Variants in CRCP observed in about 807,000 individuals in gnomAD.
CRCP encodes the protein DNA-directed RNA polymerase III subunit RPC9.
CRCP carries 18 observed loss-of-function variants against 18.5 expected under a neutral mutation model. The observed-to-expected ratio is 0.97, with a 90% CI of 0.67 to 1.44. The LOEUF (loss-of-function observed/expected upper bound fraction) is 1.44, where lower values mean the gene tolerates loss of function less well. Among genes scored for constraint, CRCP ranks in the 40% most tolerant of loss-of-function variants. The pLI is 0.00. For synonymous variants in CRCP, 53 were observed against 62.9 expected (o/e 0.84, Z 0.75); for missense variants, 130 against 176.4 (o/e 0.74, Z 1.49).
At chr7:66,129,002 C>G (rs1355496596) in intron 2 of CRCP, among the ~76,000 whole-genome samples, 2 of 151,950 alleles carry the variant, frequency 1.3e-5, no homozygotes, top group African/African-American at 4.8e-5. Flanking sequence ...AGTTAGAGCT[C>G]AGCCTGGGAA....
intron 1 of CRCP, among the ~76,000 whole-genome samples, chr7:66,123,929 C>T (rs1787531453): frequency 6.7e-6 from 1 of 149,368 alleles, no homozygotes; most frequent in South Asian, 2.1e-4. Context: ...CCTGTAGTCC[C>T]AGCTACTCCA....
chr7:66,140,256 G>A (rs1005495814), intron 4 of CRCP, among the ~76,000 whole-genome samples: 2 of 152,194 alleles, frequency 1.3e-5, no homozygotes, highest in African/African-American at 4.8e-5. Flanking sequence ...AGGGGAAAAA[G>A]CCCCAAGAAA....
At chr7:66,131,771 C>A (rs1787811318) in intron 3 of CRCP, among the ~76,000 whole-genome samples, 1 of 144,436 alleles carries the variant, frequency 6.9e-6, no homozygotes, top group African/African-American at 2.5e-5. Flanking sequence ...AATCATTTTT[C>A]TTTTTTTTTT....
chr7:66,142,709 C>T (rs562797744), intron 4 of CRCP, among the ~76,000 whole-genome samples: 130 of 152,240 alleles, frequency 8.5e-4, no homozygotes, highest in Middle Eastern at 3.4e-3. Flanking sequence ...GTTGCCCAGG[C>T]TGTTTTTGAA....
At chr7:66,144,513 A>G (rs999023419) in intron 4 of CRCP, among the ~76,000 whole-genome samples, 1 of 152,178 alleles carries the variant, frequency 6.6e-6, no homozygotes, top group Non-Finnish European at 1.5e-5. Flanking sequence ...AGTTTTAGAG[A>G]TAGGGTGTGG....
chr7:66,129,439 G>A (rs1050079703), intron 2 of CRCP, among the ~76,000 whole-genome samples: 9 of 152,140 alleles, frequency 5.9e-5, no homozygotes, highest in African/African-American at 2.2e-4. Flanking sequence ...GGAGTTTGAG[G>A]TTACAGTGAT....
At chr7:66,116,782 C>G (rs1466837102) in intron 1 of CRCP, among the ~76,000 whole-genome samples, 1 of 152,058 alleles carries the variant, frequency 6.6e-6, no homozygotes, top group African/African-American at 2.4e-5. Flanking sequence ...CTCAGCCATT[C>G]TGTTGGGCTT....
chr7:66,137,649 A>G (rs1644577888), intron 4 of CRCP, among the ~76,000 whole-genome samples: 1 of 152,198 alleles, frequency 6.6e-6, no homozygotes, highest in African/African-American at 2.4e-5. Context: ...GAATGTTGTC[A>G]CTTGCTTTTT....
rs1788526714 is a variant in CRCP, at chr7:66,153,302, GA to G, written c.*946del. ...AAAAAATACAAAATTAACCAGGGGT[GA>G]TGGCACATTCCTGTAATCCCAGCTA... is the stretch of plus-strand genomic sequence containing the variant. On this transcript the variant is annotated 3_prime_UTR_variant, in exon 6 of 6. Coordinates refer to ENST00000395326, the MANE Select transcript of CRCP (RefSeq NM_014478.5). The G allele has an allele frequency of 6.6e-6, 1 of 152,180 alleles. No individual in the cohort carries two copies. The highest frequency in any genetic ancestry group is 2.1e-4 in the South Asian group (1 of 4,826). 9.4% of individuals were successfully genotyped at this position (152,180 alleles called of 1,614,324 possible). A position where few individuals can be genotyped will look rare whatever the true frequency, so the allele number is the denominator to read the frequency against.
At chr7:66,140,829 A>C (rs1224815528) in intron 4 of CRCP, among the ~76,000 whole-genome samples, 1 of 152,176 alleles carries the variant, frequency 6.6e-6, no homozygotes, top group Non-Finnish European at 1.5e-5. Context: ...TTGCTTCCTA[A>C]GCCCAACATC....
Position 66,154,182 on chromosome 7 carries a change from T to TC in CRCP, c.*1825_*1826insC, listed in dbSNP as rs1491474806. 1 of 17,514 alleles carries TC rather than the reference T, an allele frequency of 5.7e-5. No individual in the cohort carries two copies. Among genetic ancestry groups the TC allele is most frequent in the East Asian group, 8.2e-4 (1 of 1,226 alleles). The allele number at this position is 17,514 out of a possible 1,614,324, so 1.1% of individuals were successfully genotyped here. On this transcript the variant is annotated 3_prime_UTR_variant, in exon 6 of 6. Coordinates refer to ENST00000395326, the MANE Select transcript of CRCP (RefSeq NM_014478.5). ...AATCTGTCTCATTGTTGTCTCTCTC[T>TC]TTTTTTTTTTTTTTTTTGAGACAGT... is the stretch of plus-strand genomic sequence containing the variant.
intron 1 of CRCP, among the ~76,000 whole-genome samples, chr7:66,119,331 C>T (rs160637): frequency 0.1 from 15,855 of 152,248 alleles, 1,009 homozygotes; most frequent in South Asian, 0.2. Context: ...ACCCTGTGCA[C>T]CACTTCATCT....
At chr7:66,116,798 C>T (rs1787277856) in intron 1 of CRCP, among the ~76,000 whole-genome samples, 2 of 152,080 alleles carry the variant, frequency 1.3e-5, no homozygotes, top group African/African-American at 4.8e-5. Context: ...GGCTTTCATC[C>T]TCACTGGTCT....
chr7:66,132,847 C>T (rs559819466), intron 3 of CRCP, among the ~76,000 whole-genome samples: 1 of 151,932 alleles, frequency 6.6e-6, no homozygotes, highest in African/African-American at 2.4e-5. Flanking sequence ...GGAGGTGGAG[C>T]TTGCAGTGAG....
chr7:66,128,761 G>C (rs1028668784), intron 2 of CRCP: 5 of 152,210 alleles, frequency 3.3e-5, no homozygotes, highest in Non-Finnish European at 5.9e-5. Flanking sequence ...TGGTAAGAGA[G>C]GAGATATTCC....
At chr7:66,139,091 T>C (rs1788059377) in intron 4 of CRCP, among the ~76,000 whole-genome samples, 1 of 152,168 alleles carries the variant, frequency 6.6e-6, no homozygotes, top group Non-Finnish European at 1.5e-5. Flanking sequence ...AAATTTGTAG[T>C]TCAAATGGAA....
In CRCP at chr7:66,132,372, T is replaced by G. The variant is rs191993544; in HGVS notation, c.144+1530T>G. The stretch of plus-strand genomic sequence containing the variant: ...CCATGACCTTGACACTTCCAAAGTC[T>G]CGTCAAGTATTTTGTAGAATGTCTG... On this transcript the variant is annotated intron_variant, in intron 3 of 5. Transcript: ENST00000395326. Among the ~76,000 whole-genome samples the G allele has an allele frequency of 5.8e-4, 88 of 152,330 alleles. No homozygotes were observed. In the East Asian group the frequency reaches 0.017, roughly 29 times the overall value.
At chr7:66,136,206 G>T (rs1212371649) in intron 4 of CRCP, among the ~76,000 whole-genome samples, 1 of 151,788 alleles carries the variant, frequency 6.6e-6, no homozygotes, top group Non-Finnish European at 1.5e-5. Context: ...TACATGAGAA[G>T]AAAACTAGCC....
intron 4 of CRCP, among the ~76,000 whole-genome samples, chr7:66,136,564 C>T (rs1283692521): frequency 6.6e-6 from 1 of 150,564 alleles, no homozygotes. Context: ...GGGTTTCACT[C>T]TATTGGCCAG....
Sources: gnomAD v4.1 joint callset for allele counts (sites outside exome capture counted in the v4.1 genomes callset) on GRCh38, gnomAD v4.1.1 for gene constraint, MANE v1.5 for transcripts, NCBI Gene and HGNC (gene_info 2026-07-23, HGNC 2026-07-21) for gene names.